Variants in ATG7 observed in about 807,000 individuals in gnomAD.
ATG7 encodes the protein ubiquitin-like modifier-activating enzyme ATG7.
A neutral mutation model predicts 82.4 loss-of-function variants in ATG7; 70 were observed. The observed-to-expected ratio is 0.85, with a 90% CI of 0.70 to 1.04. The LOEUF (loss-of-function observed/expected upper bound fraction) is 1.04. Among genes scored for constraint, ATG7 ranks in the 50% least tolerant of loss-of-function variants. ATG7 has a pLI of 0.00. For synonymous variants in ATG7, 287 were observed against 313.0 expected (o/e 0.92, Z 0.88); for missense variants, 792 against 864.3 (o/e 0.92, Z 1.05).
At chr3:11,566,316 G>A in the ATG7 span, among the ~76,000 whole-genome samples, 1 of 152,142 alleles carries the variant, frequency 6.6e-6, no homozygotes, top group Admixed American at 6.5e-5. Context: ...GCCATCCCAT[G>A]CACCCTTTAC....
At chr3:11,517,155 T>C (rs1028304713) in intron 20 of ATG7, among the ~76,000 whole-genome samples, 1 of 151,386 alleles carries the variant, frequency 6.6e-6, no homozygotes, top group Non-Finnish European at 1.5e-5. Flanking sequence ...TCCACCTGTA[T>C]GACATTCTAG....
chr3:11,553,241 T>C (rs919184152), intron 20 of ATG7, among the ~76,000 whole-genome samples: 1 of 152,244 alleles, frequency 6.6e-6, no homozygotes, highest in African/African-American at 2.4e-5. Context: ...GCCAATTGCC[T>C]TACCTCTCTG....
At chr3:11,376,378 C>G (rs1384944092) in intron 18 of ATG7, among the ~76,000 whole-genome samples, 1 of 152,152 alleles carries the variant, frequency 6.6e-6, no homozygotes, top group East Asian at 1.9e-4. Context: ...AAAACTATTC[C>G]TCAAGGTATT....
chr3:11,526,779 G>C (rs1019812367), intron 20 of ATG7, among the ~76,000 whole-genome samples: 11 of 152,022 alleles, frequency 7.2e-5, no homozygotes, highest in African/African-American at 2.2e-4. Context: ...GAAATGAACT[G>C]CTTATGGAAG....
chr3:11,300,054 A>G (rs1946545174), intron 5 of ATG7, among the ~76,000 whole-genome samples: 1 of 151,900 alleles, frequency 6.6e-6, no homozygotes, highest in Non-Finnish European at 1.5e-5. Flanking sequence ...CCTCCCAAGT[A>G]GCTGGGACTA....
chr3:11,536,623 C>T lies in ATG7; in HGVS notation c.2080-18188C>T, dbSNP rs143125948. Among the ~76,000 whole-genome samples the T allele has an allele frequency of 2.2e-4, 34 of 152,328 alleles. 1 individual carries two copies. In the East Asian group the frequency reaches 6.4e-3, roughly 29 times the overall value. On this transcript the variant is annotated intron_variant, in intron 20 of 20. Coordinates refer to ENST00000693202, the MANE Select transcript of ATG7 (RefSeq NM_001349232.2). ...TTTTCAGAGTAAACGTTTGTGTGAGCGCACTCTGGCGGGGAGTCCCGAGAG... is the reference window on the plus strand; with the variant it reads ...TTTTCAGAGTAAACGTTTGTGTGAGTGCACTCTGGCGGGGAGTCCCGAGAG...
intron 20 of ATG7, among the ~76,000 whole-genome samples, chr3:11,462,546 C>A (rs1466351629): frequency 1.3e-5 from 2 of 152,038 alleles, no homozygotes; most frequent in East Asian, 1.9e-4. Flanking sequence ...TCTCAGGGGC[C>A]CTAAGCTATA....
At chr3:11,470,065 C>T (rs2087312173) in intron 20 of ATG7, among the ~76,000 whole-genome samples, 1 of 150,256 alleles carries the variant, frequency 6.7e-6, no homozygotes, top group African/African-American at 2.4e-5. Context: ...AACAAAGCAC[C>T]TCTACCTTGT....
chr3:11,338,906 ATAC>A (rs1559424746), intron 11 of ATG7, among the ~76,000 whole-genome samples: 1 of 152,202 alleles, frequency 6.6e-6, no homozygotes, highest in Admixed American at 6.5e-5. Flanking sequence ...ATATTGGGCA[ATAC>A]TATTTTTTTA....
chr3:11,312,527 C>G (rs1287296515), intron 7 of ATG7, among the ~76,000 whole-genome samples: 1 of 152,180 alleles, frequency 6.6e-6, no homozygotes, highest in East Asian at 1.9e-4. Context: ...TACTTAGAGC[C>G]TCTCCATGGC....
At chr3:11,419,961 G>C (rs553073361) in intron 19 of ATG7, among the ~76,000 whole-genome samples, 1 of 152,248 alleles carries the variant, frequency 6.6e-6, no homozygotes, top group African/African-American at 2.4e-5. Context: ...AATATTTACA[G>C]CCTTCCAAAA....
At chr3:11,522,460 T>G (rs951958598) in intron 20 of ATG7, among the ~76,000 whole-genome samples, 12 of 148,660 alleles carry the variant, frequency 8.1e-5, no homozygotes, top group African/African-American at 2.9e-4. Flanking sequence ...AAGCTCACGA[T>G]TTATTAGTGA....
intron 20 of ATG7, among the ~76,000 whole-genome samples, chr3:11,517,401 G>A (rs555734060): frequency 6.6e-6 from 1 of 152,200 alleles, no homozygotes; most frequent in South Asian, 2.1e-4. Context: ...AAGATCACTG[G>A]TTCAGGTTAA....
At chr3:11,524,782 G>A (rs907921744) in intron 20 of ATG7, among the ~76,000 whole-genome samples, 1 of 151,672 alleles carries the variant, frequency 6.6e-6, no homozygotes, top group African/African-American at 2.4e-5. Context: ...GCAAAACCCT[G>A]TCATTTAAAA....
intron 20 of ATG7, among the ~76,000 whole-genome samples, chr3:11,516,065 A>C (rs887025388): frequency 1.3e-5 from 2 of 151,882 alleles, no homozygotes; most frequent in African/African-American, 2.4e-5. Context: ...CATAGGACAT[A>C]GTTCCTAAGC....
rs60183965 is a variant in ATG7, at chr3:11,366,971, C to CTGTGTGTGTG, written c.1875+2271_1875+2280dup. On this transcript the variant is annotated intron_variant, in intron 18 of 20. Transcript: ENST00000693202. Reference sequence around the variant, plus strand: ...ATAACGCAGCCATATATGGGAAAAGCTGTGTGTGTGTGTGTGTGTGTGTGT... The same window carrying CTGTGTGTGTG: ...ATAACGCAGCCATATATGGGAAAAGCTGTGTGTGTGTGTGTGTGTGTGTGTGTGTGTGTGT... Among the ~76,000 whole-genome samples the CTGTGTGTGTG allele has an allele frequency of 7.4e-3, 1,035 of 139,778 alleles. 8 individuals are homozygous for CTGTGTGTGTG. Among genetic ancestry groups the CTGTGTGTGTG allele is most frequent in the East Asian group, 0.016 (74 of 4,618 alleles). 91.7% of individuals were successfully genotyped at this position (139,778 alleles called of 152,430 possible).
chr3:11,374,707 C>T (rs1170597656), intron 18 of ATG7, among the ~76,000 whole-genome samples: 1 of 151,962 alleles, frequency 6.6e-6, no homozygotes, highest in Non-Finnish European at 1.5e-5. Context: ...AGATTGAGAC[C>T]ATCCTGGTTA....
chr3:11,403,274 A>AG (rs2080013268), intron 19 of ATG7, among the ~76,000 whole-genome samples: 1 of 152,170 alleles, frequency 6.6e-6, no homozygotes, highest in Admixed American at 6.5e-5. Context: ...GCGGAGAGGA[A>AG]GTCCTCATTG....
intron 18 of ATG7, among the ~76,000 whole-genome samples, chr3:11,365,637 G>C (rs1206318424): frequency 6.6e-6 from 1 of 152,162 alleles, no homozygotes; most frequent in East Asian, 1.9e-4. Context: ...GACGAGTGCA[G>C]AGAGCAGAGT....
Sources: allele counts gnomAD v4.1 joint callset (sites outside exome capture counted in the v4.1 genomes callset), GRCh38; gene constraint gnomAD v4.1.1; transcripts MANE v1.5; gene names NCBI Gene and HGNC (gene_info 2026-07-23, HGNC 2026-07-21).